TESK2: variants seen among roughly 807,000 people sequenced by gnomAD.
TESK2 encodes the protein dual specificity testis-specific protein kinase 2.
In TESK2, 39 loss-of-function variants were observed where a neutral mutation model predicts 57.1. The ratio of observed to expected loss-of-function variants is 0.68; its 90% CI spans 0.53 to 0.89. The LOEUF is 0.89. TESK2 is among the 40% of genes least tolerant of loss of function. The probability of loss-of-function intolerance (pLI) is 0.00; values close to 1 mark genes in which losing one functional copy is unlikely to be tolerated. For missense variants in TESK2, 646 were observed against 732.1 expected (o/e 0.88, Z 1.36); for synonymous variants, 249 against 267.9 (o/e 0.93, Z 0.69).
chr1:45,413,691 A>C, intron 3 of TESK2: 1 of 229,676 alleles, frequency 4.4e-6, no homozygotes, highest in Non-Finnish European at 9.2e-6. Context: ...TAAAAAGTGC[A>C]ACTGTTCTGA....
At chr1:45,466,632 A>G (rs1197940280) in intron 1 of TESK2, among the ~76,000 whole-genome samples, 2 of 150,940 alleles carry the variant, frequency 1.3e-5, no homozygotes, top group Non-Finnish European at 3.0e-5. Context: ...TCTGGGCAAC[A>G]GAGCAAGACT....
At chr1:45,395,556 T>C (rs1244409353) in intron 3 of TESK2, among the ~76,000 whole-genome samples, 1 of 152,110 alleles carries the variant, frequency 6.6e-6, no homozygotes, top group Non-Finnish European at 1.5e-5. Context: ...TTCCTTCTCA[T>C]GTTCTTCAAC....
At chr1:45,449,468 A>G (rs545593040) in intron 2 of TESK2, among the ~76,000 whole-genome samples, 4 of 145,086 alleles carry the variant, frequency 2.8e-5, no homozygotes, top group Non-Finnish European at 5.9e-5. Context: ...ATAGGTGAGC[A>G]GATAAGCTGT....
chr1:45,481,806 T>C (rs970695409), intron 1 of TESK2, among the ~76,000 whole-genome samples: 2 of 152,168 alleles, frequency 1.3e-5, no homozygotes, highest in African/African-American at 2.4e-5. Context: ...CTATAAGATA[T>C]ATACAAATCT....
At chr1:45,367,404 T>C (rs1282688061) in intron 4 of TESK2, among the ~76,000 whole-genome samples, 1 of 138,168 alleles carries the variant, frequency 7.2e-6, no homozygotes, top group East Asian at 2.1e-4. Context: ...CTCGTTCTCC[T>C]TTTTTTTTTT....
chr1:45,472,928 G>C (rs901397616), intron 1 of TESK2, among the ~76,000 whole-genome samples: 2 of 150,456 alleles, frequency 1.3e-5, no homozygotes, highest in African/African-American at 2.5e-5. Flanking sequence ...ACAAGGTCAG[G>C]AGATTGAGAT....
At chr1:45,355,538 A>C in intron 4 of TESK2, 89 bp from the exon 5 acceptor site, 2 of 1,456,896 alleles carry the variant, frequency 1.4e-6, no homozygotes, top group Non-Finnish European at 1.8e-6. Flanking sequence ...CCTGGAAGAG[A>C]GAGACTGTAT....
intron 2 of TESK2, among the ~76,000 whole-genome samples, chr1:45,447,966 CT>C (rs768113242): frequency 1.0e-4 from 15 of 149,362 alleles, no homozygotes; most frequent in Non-Finnish European, 1.8e-4. Context: ...CAAAGAAGAA[CT>C]AAATAAAATG....
chr1:45,454,413 G>T (rs988548361), intron 2 of TESK2, among the ~76,000 whole-genome samples: 143 of 151,838 alleles, frequency 9.4e-4, no homozygotes, highest in African/African-American at 3.3e-3. Context: ...GTAAGAAAAA[G>T]ATTTATTTTT....
intron 2 of TESK2, among the ~76,000 whole-genome samples, chr1:45,442,977 G>A (rs1651502278): frequency 6.6e-6 from 1 of 152,168 alleles, no homozygotes; most frequent in East Asian, 1.9e-4. Context: ...GTAATGACGG[G>A]GTTTCAGTAT....
chr1:45,450,373 G>A (rs911826769), intron 2 of TESK2, among the ~76,000 whole-genome samples: 7 of 152,048 alleles, frequency 4.6e-5, no homozygotes, highest in African/African-American at 9.7e-5. Flanking sequence ...TTACCTGGGC[G>A]TGGTGGCATG....
At chr1:45,484,824 G>A (rs1456473780) in intron 1 of TESK2, among the ~76,000 whole-genome samples, 4 of 151,804 alleles carry the variant, frequency 2.6e-5, no homozygotes, top group East Asian at 2.0e-4. Context: ...AAGGTCAGGA[G>A]ATCGAGACCA....
chr1:45,392,683 A>G (rs1234143201), intron 3 of TESK2, among the ~76,000 whole-genome samples: 1 of 152,022 alleles, frequency 6.6e-6, no homozygotes, highest in Non-Finnish European at 1.5e-5. Flanking sequence ...CCTGGGCAAC[A>G]AGAGTGAAAC....
At chr1:45,427,921 C>T (rs901446769) in intron 2 of TESK2, among the ~76,000 whole-genome samples, 1 of 152,022 alleles carries the variant, frequency 6.6e-6, no homozygotes, top group Non-Finnish European at 1.5e-5. Context: ...GTTTGCAACA[C>T]AAAGAAATGA....
At chr1:45,422,423 G>T (rs1010479487) in intron 2 of TESK2, among the ~76,000 whole-genome samples, 12 of 152,090 alleles carry the variant, frequency 7.9e-5, no homozygotes, top group Non-Finnish European at 1.5e-4. Flanking sequence ...ATAAATAAAA[G>T]AAATCATGTC....
intron 2 of TESK2, among the ~76,000 whole-genome samples, chr1:45,456,518 C>CA (rs1184348752): frequency 2.0e-5 from 3 of 146,848 alleles, no homozygotes; most frequent in South Asian, 2.2e-4. Context: ...GACTCCATCT[C>CA]AAAAAAAATA....
At chr1:45,437,914 G>A (rs1217359691) in intron 2 of TESK2, among the ~76,000 whole-genome samples, 1 of 152,024 alleles carries the variant, frequency 6.6e-6, no homozygotes, top group Non-Finnish European at 1.5e-5. Flanking sequence ...ATAGATGTTG[G>A]GGTTTGGGGA....
intron 1 of TESK2, among the ~76,000 whole-genome samples, chr1:45,479,232 A>C (rs1653115781): frequency 6.6e-6 from 1 of 152,166 alleles, no homozygotes. Context: ...AAGTGAAACA[A>C]ATGTTGAGAA....
At chr1:45,450,128 C>T (rs964678825) in intron 2 of TESK2, among the ~76,000 whole-genome samples, 2 of 152,030 alleles carry the variant, frequency 1.3e-5, no homozygotes, top group African/African-American at 4.8e-5. Context: ...ATGTTTTATA[C>T]CTTACACTAG....
Sources: allele counts gnomAD v4.1 joint callset (sites outside exome capture counted in the v4.1 genomes callset), GRCh38; gene constraint gnomAD v4.1.1; transcripts MANE v1.5; gene names NCBI Gene and HGNC (gene_info 2026-07-23, HGNC 2026-07-21).